The following TASP1 variants were observed in gnomAD, a reference collection of about 807,000 sequenced individuals.
The protein encoded by TASP1 is threonine aspartase 1.
TASP1 carries 16 observed loss-of-function variants against 56.6 expected under a neutral mutation model. The observed-to-expected ratio is 0.28, with a 90% confidence interval of 0.19 to 0.43. The LOEUF (loss-of-function observed/expected upper bound fraction) is 0.43. TASP1 is among the 20% of genes least tolerant of loss of function. TASP1 has a pLI of 1.00. For missense variants in TASP1, 393 were observed against 511.6 expected, an observed-to-expected ratio of 0.77 and a Z score of 2.24; for synonymous variants, 179 against 184.2, an observed-to-expected ratio of 0.97 and a Z score of 0.23.
chr20:13,586,982 T>C (rs1005128774), intron 5 of TASP1, among the ~76,000 whole-genome samples: 6 of 152,116 alleles, frequency 3.9e-5, no homozygotes, highest in Non-Finnish European at 8.8e-5. Context: ...ACAAAAAATA[T>C]AGTGTGTATT....
At chr20:13,569,614 T>C (rs375029660) in intron 6 of TASP1, 28 bp from the exon 7 acceptor site, 2 of 1,583,272 alleles carry the variant, frequency 1.3e-6, no homozygotes, top group African/African-American at 2.7e-5. Context: ...ATTTTTAAAA[T>C]TCACAGTGTC....
chr20:13,188,346 C>A, the TASP1 span, among the ~76,000 whole-genome samples: 1 of 152,110 alleles, frequency 6.6e-6, no homozygotes. Flanking sequence ...AGTAAAGTTG[C>A]AGGATACAAA....
intron 8 of TASP1, among the ~76,000 whole-genome samples, chr20:13,557,582 T>TG (rs1229977150): frequency 1.5e-4 from 21 of 140,058 alleles, no homozygotes; most frequent in African/African-American, 5.8e-4. Context: ...GTTTTTTTTT[T>TG]TTTTTTTTTT....
intron 13 of TASP1, among the ~76,000 whole-genome samples, chr20:13,417,181 G>C (rs530339254): frequency 1.1e-4 from 16 of 152,222 alleles, no homozygotes; most frequent in African/African-American, 3.4e-4. Flanking sequence ...ATTCACAATG[G>C]GCAAAAAGGA....
intron 10 of TASP1, among the ~76,000 whole-genome samples, chr20:13,525,418 CT>C (rs2044936195): frequency 6.6e-6 from 1 of 152,098 alleles, no homozygotes. Flanking sequence ...AGGTCAGCTC[CT>C]GTTAATCCAC....
the TASP1 span, among the ~76,000 whole-genome samples, chr20:13,145,080 T>C: frequency 5.3e-5 from 8 of 152,090 alleles, no homozygotes; most frequent in African/African-American, 1.7e-4. Context: ...TGGCCTACTA[T>C]GTGTATTCTT....
chr20:13,220,628 T>C, the TASP1 span, among the ~76,000 whole-genome samples: 5 of 152,174 alleles, frequency 3.3e-5, no homozygotes, highest in African/African-American at 7.2e-5. Context: ...GACGAACGCC[T>C]AGAGAGTCGG....
chr20:13,596,858 C>T (rs773735771), intron 4 of TASP1, among the ~76,000 whole-genome samples: 28 of 152,132 alleles, frequency 1.8e-4, no homozygotes, highest in Non-Finnish European at 3.2e-4. Flanking sequence ...GATATGACCA[C>T]CAATCCCACA....
intron 13 of TASP1, among the ~76,000 whole-genome samples, chr20:13,411,490 G>A (rs80347276): frequency 6.6e-6 from 1 of 152,056 alleles, no homozygotes; most frequent in Non-Finnish European, 1.5e-5. Context: ...CCTAGTACAG[G>A]TCTTTCATCT....
chr20:13,505,949 A>G (rs1405166465), intron 10 of TASP1, among the ~76,000 whole-genome samples: 1 of 152,114 alleles, frequency 6.6e-6, no homozygotes, highest in Admixed American at 6.6e-5. Flanking sequence ...TAACCAATAG[A>G]AAAGATCAAC....
chr20:13,566,743 A>C (rs2046542846), intron 7 of TASP1, among the ~76,000 whole-genome samples: 1 of 152,188 alleles, frequency 6.6e-6, no homozygotes, highest in Non-Finnish European at 1.5e-5. Context: ...ACTATCTCAC[A>C]CCAGTCAGAA....
At chr20:13,135,580 T>G in the TASP1 span, among the ~76,000 whole-genome samples, 235 of 152,356 alleles carry the variant, frequency 1.5e-3, 1 homozygote, top group African/African-American at 5.4e-3. Flanking sequence ...AGCACTTACT[T>G]TGCCTACTGG....
chr20:13,410,057 G>GT (rs1368995109), intron 13 of TASP1, among the ~76,000 whole-genome samples: 1 of 152,116 alleles, frequency 6.6e-6, no homozygotes, highest in Non-Finnish European at 1.5e-5. Flanking sequence ...GCTCTCACAC[G>GT]TAAGTGAGAA....
intron 8 of TASP1, among the ~76,000 whole-genome samples, chr20:13,542,218 A>G (rs138179302): frequency 6.6e-6 from 1 of 152,290 alleles, no homozygotes; most frequent in South Asian, 2.1e-4. Context: ...GCAGATATCA[A>G]TCCAAACAAT....
chr20:13,605,721 CA>C (rs941580356), intron 4 of TASP1, among the ~76,000 whole-genome samples: 2 of 151,916 alleles, frequency 1.3e-5, no homozygotes, highest in Non-Finnish European at 1.5e-5. Context: ...AAATAATATA[CA>C]TAAACTTTTT....
the TASP1 span, chr20:13,110,347 A>G: frequency 1.4e-6 from 1 of 707,902 alleles, no homozygotes; most frequent in South Asian, 2.0e-5. Flanking sequence ...GGGACCTGAG[A>G]CAGAGCCACC....
intron 9 of TASP1, among the ~76,000 whole-genome samples, chr20:13,532,705 T>G (rs1006527811): frequency 6.6e-5 from 10 of 152,182 alleles, no homozygotes; most frequent in Admixed American, 1.3e-4. Flanking sequence ...TATCCTTAGT[T>G]CTGTTGTTGC....
chr20:13,272,573 A>G, the TASP1 span, among the ~76,000 whole-genome samples: 1 of 152,200 alleles, frequency 6.6e-6, no homozygotes, highest in Non-Finnish European at 1.5e-5. Context: ...GATGGCACAG[A>G]GTGACAAATA....
the TASP1 span, among the ~76,000 whole-genome samples, chr20:13,212,021 G>T: frequency 6.6e-5 from 10 of 152,144 alleles, no homozygotes; most frequent in Non-Finnish European, 1.2e-4. Context: ...TCATACTAAT[G>T]AAATGGAGTG....
Sources: gnomAD v4.1 joint callset for allele counts (sites outside exome capture counted in the v4.1 genomes callset) on GRCh38, gnomAD v4.1.1 for gene constraint, MANE v1.5 for transcripts, NCBI Gene and HGNC (gene_info 2026-07-23, HGNC 2026-07-21) for gene names.